Variants in KIAA0513 observed in about 807,000 individuals in gnomAD.
KIAA0513 encodes the protein uncharacterized protein KIAA0513.
In KIAA0513, 39 loss-of-function variants were observed where a neutral mutation model predicts 56.5. The observed-to-expected ratio is 0.69, with a 90% CI of 0.53 to 0.90. KIAA0513 has a LOEUF of 0.90. KIAA0513 is among the 40% of genes least tolerant of loss of function. The pLI is 0.00. For missense variants in KIAA0513, 591 were observed against 535.2 expected (o/e 1.10, Z -1.03); for synonymous variants, 268 against 215.6 (o/e 1.24, Z -2.13).
At chr16:85,052,925 C>G (rs886387513) in intron 1 of KIAA0513, among the ~76,000 whole-genome samples, 7 of 152,286 alleles carry the variant, frequency 4.6e-5, no homozygotes, top group African/African-American at 1.7e-4. Flanking sequence ...CCGTCTCGCT[C>G]TGTCACCCAG....
In KIAA0513 at chr16:85,076,325, C is replaced by T. The variant is rs193169760; in HGVS notation, c.574+411C>T. On this transcript the variant is annotated intron_variant, in intron 5 of 12. Coordinates refer to ENST00000683363, the MANE Select transcript of KIAA0513 (RefSeq NM_001388359.1). The surrounding 1 kb of genome is among the most constrained non-coding windows in gnomAD (Gnocchi z 4.7). ...GTGGTGGGGAGGAGCAGCGTAGGAT[C>T]TGAAGCTGCAGAGAGTTCCCAGGGA... Among the ~76,000 whole-genome samples, 2 of 152,304 alleles carry T rather than the reference C, an allele frequency of 1.3e-5. No individual in the cohort carries two copies. Among genetic ancestry groups the T allele is most frequent in the South Asian group, 2.1e-4 (1 of 4,832 alleles).
At chr16:85,084,202 C>T (rs1160266662) in intron 10 of KIAA0513, among the ~76,000 whole-genome samples, 2 of 150,084 alleles carry the variant, frequency 1.3e-5, no homozygotes, top group South Asian at 2.1e-4. Context: ...GTTAGGATTA[C>T]AAGTGCCCGC....
intron 10 of KIAA0513, 115 bp downstream of exon 10, chr16:85,082,708 C>A: frequency 1.8e-6 from 2 of 1,104,694 alleles, no homozygotes; most frequent in Non-Finnish European, 2.6e-6. Context: ...AGCCCAGACG[C>A]AGGTGCAGCC....
intron 10 of KIAA0513, 133 bp downstream of exon 10, chr16:85,082,726 C>CGGCGGGGAG: frequency 1.1e-6 from 1 of 937,452 alleles, no homozygotes. Context: ...GCCTGGTGGC[C>CGGCGGGGAG]GGCGGGGAGG....
chr16:85,075,933 G>C lies in KIAA0513; in HGVS notation c.574+19G>C. 1 of 1,577,196 alleles carries C rather than the reference G, an allele frequency of 6.3e-7. No individual in the cohort carries two copies. Among genetic ancestry groups the C allele is most frequent in the Non-Finnish European group, 8.7e-7 (1 of 1,146,406 alleles). ...CACATCGGTAAGACATGGGTGGGCT[G>C]ATGTGGGGCTCACCTGAGGCTAGTC... On this transcript the variant is annotated intron_variant, in intron 5 of 12. Coordinates refer to ENST00000683363, the MANE Select transcript of KIAA0513 (RefSeq NM_001388359.1).
chr16:85,045,389 T>C (rs1457132226), intron 1 of KIAA0513, among the ~76,000 whole-genome samples: 1 of 152,174 alleles, frequency 6.6e-6, no homozygotes, highest in Admixed American at 6.5e-5. Context: ...ACAGTCTTGC[T>C]CTGTCACCTA....
chr16:85,067,774 C>T (rs113161053), intron 2 of KIAA0513, among the ~76,000 whole-genome samples: 134 of 152,230 alleles, frequency 8.8e-4, no homozygotes, highest in African/African-American at 3.1e-3. Flanking sequence ...CCGTGAGCTC[C>T]ATTATGTTCT....
In KIAA0513 at chr16:85,075,877, G is replaced by A. The variant is rs1202645818; in HGVS notation, c.537G>A (p.Lys179=). The A allele has an allele frequency of 6.2e-7, 1 of 1,614,170 alleles. No homozygotes were observed. The highest frequency in any genetic ancestry group is 1.1e-5 in the South Asian group (1 of 91,080). ...AGATGGATGACTTTGGGCCTGCCAAGAACCTCATGACCATGTGCTTCACCT... is the reference window on the plus strand; with the variant it reads ...AGATGGATGACTTTGGGCCTGCCAAAAACCTCATGACCATGTGCTTCACCT... ...CHQMDDFGPA[K]NLMTMCFTYY... Residue 179 remains lysine, a synonymous_variant, in exon 5 of 13, where the codon AAG becomes AAA. Coordinates refer to ENST00000683363, the MANE Select transcript of KIAA0513 (RefSeq NM_001388359.1).
At chr16:85,054,813 G>C (rs1012744892) in intron 1 of KIAA0513, among the ~76,000 whole-genome samples, 1 of 152,122 alleles carries the variant, frequency 6.6e-6, no homozygotes, top group African/African-American at 2.4e-5. Context: ...CTTTGGGGAG[G>C]CCTAAAGGGG....
At chr16:85,033,293 C>G (rs2072991509) in intron 1 of KIAA0513, among the ~76,000 whole-genome samples, 1 of 152,190 alleles carries the variant, frequency 6.6e-6, no homozygotes. Context: ...CTTTACCCCT[C>G]CCAGCAGGGA....
At chr16:85,074,343 T>TACAC (rs1555524105) in intron 4 of KIAA0513, among the ~76,000 whole-genome samples, 1,487 of 130,562 alleles carry the variant, frequency 0.011, 12 homozygotes, top group East Asian at 0.044. Context: ...TATACACACA[T>TACAC]ACACACACAC....
intron 2 of KIAA0513, among the ~76,000 whole-genome samples, chr16:85,071,295 G>C (rs565206087): frequency 1.8e-4 from 27 of 152,228 alleles, no homozygotes; most frequent in South Asian, 8.3e-4. Context: ...TACGTGGGAG[G>C]TGATTTTCTT....
At chr16:85,044,401 C>T (rs1177035306) in intron 1 of KIAA0513, among the ~76,000 whole-genome samples, 2 of 152,146 alleles carry the variant, frequency 1.3e-5, no homozygotes, top group South Asian at 2.1e-4. Flanking sequence ...GAGGGGGACA[C>T]GTTGACAATG....
chr16:85,071,661 T>C, intron 2 of KIAA0513, 122 bp from the exon 3 acceptor site: 1 of 749,992 alleles, frequency 1.3e-6, no homozygotes, highest in Non-Finnish European at 2.1e-6. Context: ...TGATGGGAGT[T>C]GGGGTCTGTG....
At chr16:85,030,221 C>A (rs528653328) in intron 1 of KIAA0513, among the ~76,000 whole-genome samples, 1 of 152,096 alleles carries the variant, frequency 6.6e-6, no homozygotes, top group African/African-American at 2.4e-5. Flanking sequence ...TTGCAAAGAG[C>A]GTCTTTTGCT....
intron 1 of KIAA0513, among the ~76,000 whole-genome samples, chr16:85,032,307 G>A (rs749977707): frequency 6.6e-5 from 10 of 152,150 alleles, no homozygotes; most frequent in Non-Finnish European, 1.5e-4. Context: ...GGCACCAGTC[G>A]GATTGGACCT....
intron 1 of KIAA0513, among the ~76,000 whole-genome samples, chr16:85,037,861 C>T (rs930772258): frequency 6.6e-6 from 1 of 152,176 alleles, no homozygotes; most frequent in African/African-American, 2.4e-5. Context: ...GGAACCCTCC[C>T]AAGTGAGCTG....
rs182759551 is a variant in KIAA0513 at position 85,067,723 on chromosome 16, G to T, written c.329+323G>T. Reference sequence around the variant, plus strand: ...CAACCATGCAGAGAATCCCTGGAGGGACACGCTCCGGAGTGCCCAGCTCAC... The same window carrying T: ...CAACCATGCAGAGAATCCCTGGAGGTACACGCTCCGGAGTGCCCAGCTCAC... On this transcript the variant is annotated intron_variant, in intron 2 of 12. Coordinates refer to ENST00000683363, the MANE Select transcript of KIAA0513 (RefSeq NM_001388359.1). 4.6e-5 allele frequency among the ~76,000 whole-genome samples: 7 copies of T among 152,296 alleles called. No individual in the cohort carries two copies. The East Asian group carries it at 1.2e-3, about 25-fold the overall frequency.
At chr16:85,074,129 C>T (rs1245751599) in intron 4 of KIAA0513, among the ~76,000 whole-genome samples, 5 of 151,966 alleles carry the variant, frequency 3.3e-5, no homozygotes, top group African/African-American at 9.7e-5. Context: ...CACGCACTAT[C>T]ATGCCCAGCT....
Sources: allele counts gnomAD v4.1 joint callset (sites outside exome capture counted in the v4.1 genomes callset), GRCh38; gene constraint gnomAD v4.1.1; non-coding constraint Gnocchi (gnomAD v3.1); transcripts MANE v1.5; gene names NCBI Gene and HGNC (gene_info 2026-07-23, HGNC 2026-07-21).